Variants in NTNG1 observed in about 807,000 individuals in gnomAD.
NTNG1 encodes netrin-G1.
A neutral mutation model predicts 54.0 loss-of-function variants in NTNG1; 16 were observed. That is an observed-to-expected ratio of 0.30 (90% confidence interval 0.20 to 0.45). NTNG1 has a LOEUF of 0.45. Among genes scored for constraint, NTNG1 ranks in the 20% least tolerant of loss-of-function variants. NTNG1 has a pLI of 1.00. For synonymous variants in NTNG1, 255 were observed against 263.1 expected, an observed-to-expected ratio of 0.97 and a Z score of 0.30; for missense variants, 530 against 678.7, an observed-to-expected ratio of 0.78 and a Z score of 2.43.
chr1:107,404,271 G>T (rs1673258810), intron 4 of NTNG1, among the ~76,000 whole-genome samples: 1 of 151,906 alleles, frequency 6.6e-6, no homozygotes, highest in South Asian at 2.1e-4. Context: ...CCGAGAAAAA[G>T]AATAGAAAGA....
At chr1:107,297,236 T>TATATC (rs1666028298) in intron 2 of NTNG1, among the ~76,000 whole-genome samples, 1 of 60,834 alleles carries the variant, frequency 1.6e-5, no homozygotes, top group African/African-American at 7.2e-5. Flanking sequence ...TATATATATA[T>TATATC]ATATATATAT....
At chr1:107,290,956 A>G (rs1406144987) in intron 2 of NTNG1, among the ~76,000 whole-genome samples, 1 of 127,030 alleles carries the variant, frequency 7.9e-6, no homozygotes, top group African/African-American at 3.5e-5. Context: ...AAGTGCATAT[A>G]TATATATTAT....
At chr1:107,409,121 C>T (rs1337141882) in intron 5 of NTNG1, 1 of 152,218 alleles carries the variant, frequency 6.6e-6, no homozygotes, top group African/African-American at 2.4e-5. Flanking sequence ...GTGTTAAAAA[C>T]TTGCAAATGA....
intron 7 of NTNG1, among the ~76,000 whole-genome samples, chr1:107,449,131 G>A (rs1443899172): frequency 1.3e-5 from 2 of 149,394 alleles, no homozygotes; most frequent in African/African-American, 2.4e-5. Flanking sequence ...AACTGTACTT[G>A]TTGAAAAACT....
intron 2 of NTNG1, among the ~76,000 whole-genome samples, chr1:107,295,542 A>G (rs892607099): frequency 6.6e-6 from 1 of 152,156 alleles, no homozygotes; most frequent in Non-Finnish European, 1.5e-5. Flanking sequence ...TGCTGGACTT[A>G]GGTCCGGTCC....
At chr1:107,255,739 A>T (rs1662892608) in intron 2 of NTNG1, among the ~76,000 whole-genome samples, 1 of 152,206 alleles carries the variant, frequency 6.6e-6, no homozygotes, top group South Asian at 2.1e-4. Context: ...CTATATAACA[A>T]GTTTTCTCTG....
chr1:107,427,453 A>G (rs1353133635), intron 5 of NTNG1, among the ~76,000 whole-genome samples: 1 of 152,154 alleles, frequency 6.6e-6, no homozygotes, highest in Non-Finnish European at 1.5e-5. Flanking sequence ...GTACCTTAAT[A>G]GGTTCTGTGC....
At chr1:107,204,744 A>G (rs1659048100) in intron 2 of NTNG1, among the ~76,000 whole-genome samples, 1 of 152,162 alleles carries the variant, frequency 6.6e-6, no homozygotes, top group Non-Finnish European at 1.5e-5. Context: ...AGCAACAGAC[A>G]ACAGAAATGG....
intron 3 of NTNG1, among the ~76,000 whole-genome samples, chr1:107,394,923 G>A (rs927592349): frequency 2.6e-5 from 4 of 151,994 alleles, no homozygotes; most frequent in Admixed American, 6.6e-5. Flanking sequence ...ACTGCTATTC[G>A]GCTTTCTCAA....
At chr1:107,467,730 A>G (rs1341045916) in intron 7 of NTNG1, among the ~76,000 whole-genome samples, 1 of 152,242 alleles carries the variant, frequency 6.6e-6, no homozygotes, top group Non-Finnish European at 1.5e-5. Flanking sequence ...TTGAAAAGGT[A>G]TGCTATGACT....
chr1:107,192,327 A>C (rs1052106234), intron 2 of NTNG1, among the ~76,000 whole-genome samples: 1 of 151,926 alleles, frequency 6.6e-6, no homozygotes, highest in African/African-American at 2.4e-5. Context: ...CCTTCTTTTT[A>C]CACAACCATC....
chr1:107,148,388 T>C lies in NTNG1; in HGVS notation c.-206T>C. On this transcript the variant is annotated 5_prime_UTR_variant, in exon 2 of 8. Transcript: ENST00000370068. ...TAGGCTTCCACCAAAGTCCTCAATA[T>C]ACCTGAATACGCACAATATCTTAAC... 1 of 547,228 alleles carries C rather than the reference T, an allele frequency of 1.8e-6. No homozygotes were observed. The highest frequency in any genetic ancestry group is 3.2e-6 in the Non-Finnish European group (1 of 307,926). The allele number at this position is 547,228 out of a possible 1,614,324, so 33.9% of individuals were successfully genotyped here.
intron 2 of NTNG1, among the ~76,000 whole-genome samples, chr1:107,267,375 A>G (rs1466429825): frequency 1.3e-5 from 2 of 152,138 alleles, no homozygotes; most frequent in Non-Finnish European, 2.9e-5. Flanking sequence ...GCAGGAGATG[A>G]ATTTGCATAG....
intron 4 of NTNG1, among the ~76,000 whole-genome samples, chr1:107,402,853 C>A (rs1673127414): frequency 1.3e-5 from 2 of 152,152 alleles, no homozygotes; most frequent in Non-Finnish European, 2.9e-5. Flanking sequence ...GATCTAGTTA[C>A]CCACTTGATG....
rs1678777758 is a variant in NTNG1, at chr1:107,482,317, C to A, written c.*1477C>A. The A allele has an allele frequency of 6.6e-6, 1 of 152,154 alleles. No individual in the cohort carries two copies. 9.4% of individuals were successfully genotyped at this position (152,154 alleles called of 1,614,324 possible). A position where few individuals can be genotyped will look rare whatever the true frequency, so the allele number is the denominator to read the frequency against. ...CAATTTGACTTTGAATATATTCAGA[C>A]TTAAGTATTTAGAGGAAATATCAAA... On this transcript the variant is annotated 3_prime_UTR_variant, in exon 8 of 8. Transcript: ENST00000370068.
At chr1:107,168,443 T>TTC (rs758125183) in intron 2 of NTNG1, among the ~76,000 whole-genome samples, 1 of 152,066 alleles carries the variant, frequency 6.6e-6, no homozygotes, top group African/African-American at 2.4e-5. Flanking sequence ...TTTAAAATAT[T>TTC]TCTCTCTCTC....
chr1:107,178,200 T>G (rs1055955567), intron 2 of NTNG1, among the ~76,000 whole-genome samples: 1 of 152,222 alleles, frequency 6.6e-6, no homozygotes, highest in Non-Finnish European at 1.5e-5. Flanking sequence ...ACATCAAGTT[T>G]AGATCTATAA....
intron 2 of NTNG1, among the ~76,000 whole-genome samples, chr1:107,184,036 C>T (rs992269102): frequency 6.6e-6 from 1 of 152,116 alleles, no homozygotes; most frequent in Non-Finnish European, 1.5e-5. Context: ...TCAGTACAAT[C>T]GATCTATCTA....
intron 2 of NTNG1, among the ~76,000 whole-genome samples, chr1:107,169,623 G>A (rs1007767171): frequency 6.6e-6 from 1 of 152,120 alleles, no homozygotes; most frequent in Non-Finnish European, 1.5e-5. Context: ...ACAAATAAGT[G>A]AGTGGCTATC....
Sources: gnomAD v4.1 joint callset for allele counts (sites outside exome capture counted in the v4.1 genomes callset) on GRCh38, gnomAD v4.1.1 for gene constraint, MANE v1.5 for transcripts, NCBI Gene and HGNC (gene_info 2026-07-23, HGNC 2026-07-21) for gene names.